Variants in EIF2D observed in about 807,000 individuals in gnomAD.
EIF2D encodes the protein eukaryotic translation initiation factor 2D, also known as hepatocellular carcinoma-associated antigen 56.
EIF2D carries 56 observed loss-of-function variants against 77.4 expected under a neutral mutation model. The observed-to-expected ratio is 0.72, with a 90% CI of 0.58 to 0.90. The LOEUF is 0.90. EIF2D is among the 40% of genes least tolerant of loss of function. The probability of loss-of-function intolerance (pLI) is 0.00; values close to 1 mark genes in which losing one functional copy is unlikely to be tolerated. For missense variants in EIF2D, 574 were observed against 706.5 expected (o/e 0.81, Z 2.13); for synonymous variants, 230 against 271.0 (o/e 0.85, Z 1.49).
intron 2 of EIF2D, chr1:206,583,542 C>CCT: frequency 1.6e-6 from 1 of 606,494 alleles, no homozygotes; most frequent in Non-Finnish European, 3.0e-6. Context: ...TAGCCAGAGC[C>CCT]CTCAGTGGCC....
chr1:206,608,370 C>G (rs1670303132), intron 3 of EIF2D, 44 bp from the exon 4 acceptor site: 11 of 1,533,674 alleles, frequency 7.2e-6, no homozygotes, highest in Non-Finnish European at 9.9e-6. Flanking sequence ...CAGCCTCCAT[C>G]TCACTCTGCG....
chr1:206,582,766 T>C (rs1668944131), intron 2 of EIF2D, among the ~76,000 whole-genome samples: 1 of 152,242 alleles, frequency 6.6e-6, no homozygotes, highest in Non-Finnish European at 1.5e-5. Context: ...AGAGAATTCT[T>C]GTCTTCCCGA....
intron 12 of EIF2D, among the ~76,000 whole-genome samples, chr1:206,596,461 C>T (rs11119113): frequency 0.47 from 71,592 of 151,992 alleles, 17,039 homozygotes; most frequent in African/African-American, 0.55. Context: ...TGTGTTCCAA[C>T]AAAACTTTAT....
intron 5 of EIF2D, 95 bp downstream of exon 5, chr1:206,605,305 T>C: frequency 2.5e-6 from 2 of 805,372 alleles, no homozygotes; most frequent in Non-Finnish European, 3.8e-6. Context: ...CTTAAAGACA[T>C]GGCTAGGACC....
chr1:206,584,807 C>T lies in EIF2D; in HGVS notation c.139-3645G>A, dbSNP rs1233912655. ...CTTCTCCTGAGCACCAGGGGTCCAG[C>T]TGCCCATGTGGTGTTCAGATCTGTG... is the stretch of plus-strand genomic sequence containing the variant. On this transcript the variant is annotated intron_variant and NMD_transcript_variant, in intron 2 of 5. Transcript: ENST00000472709. This position sits in a 1 kb window ranked among gnomAD's most constrained non-coding sequence, Gnocchi z 4.9. The T allele has an allele frequency of 5.3e-5, 54 of 1,025,050 alleles. No individual in the cohort carries two copies. The highest frequency in any genetic ancestry group is 2.1e-4 in the Middle Eastern group (1 of 4,784). The allele number at this position is 1,025,050 out of a possible 1,614,324, so 63.5% of individuals were successfully genotyped here.
At chr1:206,601,680 A>G (rs1212888587) in intron 7 of EIF2D, 2 of 152,300 alleles carry the variant, frequency 1.3e-5, no homozygotes, top group Non-Finnish European at 2.9e-5. Context: ...CAGGCTATGT[A>G]ATCTTTACAG....
downstream of EIF2D, chr1:206,591,509 G>C: frequency 2.0e-6 from 1 of 500,320 alleles, no homozygotes; most frequent in South Asian, 2.6e-5. Flanking sequence ...TGGAAAGCAG[G>C]GAAGGAATGA....
At chr1:206,577,448 A>C (rs1462573075) in intron 4 of EIF2D, among the ~76,000 whole-genome samples, 1 of 152,138 alleles carries the variant, frequency 6.6e-6, no homozygotes, top group South Asian at 2.1e-4. Context: ...ATCTCATTTG[A>C]TTTTTACCTT....
intron 13 of EIF2D, chr1:206,595,078 A>C (rs1295289235): frequency 1.3e-5 from 2 of 152,244 alleles, no homozygotes; most frequent in African/African-American, 2.4e-5. Flanking sequence ...ATGAAGTAAC[A>C]TGCTCAAGGT....
At chr1:206,600,413 C>G (rs1172624167) in intron 7 of EIF2D, 105 bp from the exon 8 acceptor site, 1 of 1,002,584 alleles carries the variant, frequency 1.0e-6, no homozygotes. Context: ...CCCCCACCTT[C>G]AGAGAGAGGC....
At chr1:206,598,574 A>G (rs939708828) in intron 11 of EIF2D, among the ~76,000 whole-genome samples, 1 of 152,200 alleles carries the variant, frequency 6.6e-6, no homozygotes, top group South Asian at 2.1e-4. Flanking sequence ...TAAATACTCA[A>G]GGTGATGATA....
chr1:206,595,744 G>C lies in EIF2D; in HGVS notation c.1483C>G (p.Leu495Val). The C allele has an allele frequency of 1.2e-6, 2 of 1,614,148 alleles. No individual in the cohort carries two copies. The highest frequency in any genetic ancestry group is 1.3e-5 in the African/African-American group (1 of 75,048). The change falls in exon 13 of 15, where the codon CTA (leucine) becomes GTA (valine). Residue 495 changes from leucine to valine, a missense_variant. By Grantham distance (32) the Leu-to-Val change is conservative. Transcript: ENST00000271764. ...TTTTTATTAGACGCTCTTTGTGCTA[G>C]GGTGATGTCAATTGGACAGATTCTC... ...KGRICPIDIT[L>V]AQRASNKKVT... is the part of the protein sequence containing the mutation.
rs782116763 is a variant in EIF2D at position 206,593,599 on chromosome 1, T to C, written c.1684+20A>G. On this transcript the variant is annotated intron_variant, in intron 14 of 14. Coordinates refer to ENST00000271764, the MANE Select transcript of EIF2D (RefSeq NM_006893.3). ...TGCTGAGCTAGACCAATGCCTCCAC[T>C]CTTCAGAGGGGATGCTCACCAAGCA... The C allele has an allele frequency of 2.5e-6, 4 of 1,575,822 alleles. No homozygotes were observed. The highest frequency in any genetic ancestry group is 2.6e-6 in the Non-Finnish European group (3 of 1,153,416).
At chr1:206,587,386 C>T (rs1456868635), downstream of EIF2D, 4 of 295,360 alleles carry the variant, frequency 1.4e-5, no homozygotes, top group South Asian at 3.0e-5. Flanking sequence ...TTACTTGCCA[C>T]GTACAGGACC....
At position 206,611,350 on chromosome 1, in the gene EIF2D, T is replaced by C; in HGVS notation, c.81A>G (p.Thr27=). The change falls in exon 2 of 15, where the codon ACA becomes ACG. Residue 27 remains threonine (T), a synonymous_variant. Transcript: ENST00000271764. ...CAGTTCCAAGGGTGGGGAAAGCAGTTGTCACATCAGCTCGAAGCTTTCTCC... is the reference window on the plus strand; with the variant it reads ...CAGTTCCAAGGGTGGGGAAAGCAGTCGTCACATCAGCTCGAAGCTTTCTCC... ...SDRRKLRADV[T]TAFPTLGTDQ... is the part of the protein sequence containing the mutation. 1 of 1,614,038 alleles carries C rather than the reference T, an allele frequency of 6.2e-7. No individual in the cohort carries two copies.
exon 3 of EIF2D, chr1:206,581,129 G>A (rs946756791): frequency 6.6e-6 from 1 of 152,238 alleles, no homozygotes; most frequent in Admixed American, 6.5e-5. Flanking sequence ...GGGACCACAG[G>A]CATGTTTCTT....
intron 4 of EIF2D, among the ~76,000 whole-genome samples, chr1:206,577,652 A>G (rs1302150349): frequency 2.0e-5 from 3 of 152,212 alleles, no homozygotes; most frequent in Non-Finnish European, 4.4e-5. Flanking sequence ...GATCTGGGAC[A>G]CCATAGAGGA....
chr1:206,602,973 G>A lies in EIF2D; in HGVS notation c.762C>T (p.Ser254=), dbSNP rs987116450. Reference sequence around the variant, plus strand: ...TACCTTGAAGCGTTTTGCTATCTGTGGAGTCTTGGTTCAGGCCCCTGGTGC... The same window carrying A: ...TACCTTGAAGCGTTTTGCTATCTGTAGAGTCTTGGTTCAGGCCCCTGGTGC... ...DTSTRGLNQD[S]TDSKTLQEQM... The change falls in exon 6 of 15, where the codon TCC becomes TCT. Residue 254 remains serine, a synonymous_variant. Coordinates refer to ENST00000271764, the MANE Select transcript of EIF2D (RefSeq NM_006893.3). The A allele has an allele frequency of 6.2e-7, 1 of 1,614,104 alleles. No individual in the cohort carries two copies. The highest frequency in any genetic ancestry group is 8.5e-7 in the Non-Finnish European group (1 of 1,180,018).
At chr1:206,582,586 G>A (rs1438951933) in intron 2 of EIF2D, among the ~76,000 whole-genome samples, 1 of 152,222 alleles carries the variant, frequency 6.6e-6, no homozygotes, top group African/African-American at 2.4e-5. Context: ...CCTGTGCCCA[G>A]TAGCGGTTTA....
Sources: allele counts gnomAD v4.1 joint callset (sites outside exome capture counted in the v4.1 genomes callset), GRCh38; gene constraint gnomAD v4.1.1; non-coding constraint Gnocchi (gnomAD v3.1); transcripts MANE v1.5; gene names NCBI Gene and HGNC (gene_info 2026-07-23, HGNC 2026-07-21).